Variants in ATP5MK observed in about 807,000 individuals in gnomAD.
ATP5MK encodes ATP synthase membrane subunit k, also known as ATP synthase F(0) complex subunit k, mitochondrial.
ATP5MK carries 5 observed loss-of-function variants against 6.6 expected under a neutral mutation model. The ratio of observed to expected loss-of-function variants is 0.76; its 90% CI spans 0.40 to 1.60. The LOEUF is 1.60. Ranked by LOEUF, ATP5MK falls within the 40% of genes most tolerant of loss-of-function variation. ATP5MK has a pLI of 0.02. For missense variants in ATP5MK, 57 were observed against 66.6 expected (o/e 0.86, Z 0.50); for synonymous variants, 30 against 24.5 (o/e 1.22, Z -0.66).
chr10:103,395,451 C>T (rs568707314), intron 2 of ATP5MK, among the ~76,000 whole-genome samples: 6 of 152,272 alleles, frequency 3.9e-5, no homozygotes, highest in Non-Finnish European at 5.9e-5. Context: ...GCGCGCGCCA[C>T]CACGCCCGGC....
intron 2 of ATP5MK, among the ~76,000 whole-genome samples, chr10:103,392,745 C>A (rs1158808510): frequency 6.6e-6 from 1 of 152,168 alleles, no homozygotes; most frequent in Non-Finnish European, 1.5e-5. Flanking sequence ...CATTCTCTGA[C>A]CCAATACAGC....
intron 2 of ATP5MK, among the ~76,000 whole-genome samples, chr10:103,394,927 A>G (rs2093426335): frequency 6.6e-6 from 1 of 152,048 alleles, no homozygotes; most frequent in Admixed American, 6.6e-5. Flanking sequence ...GCCCAACAAT[A>G]CTACAGCGCT....
In ATP5MK at chr10:103,392,196, A is replaced by C. The variant is rs1470871042; in HGVS notation, c.175T>G (p.Ter59GluextTer14). ...TTTAAATGTCAACTTCTTACCATTTATGTTGCTTTCACAGCTGGAGTTTTT... is the reference window on the plus strand; with the variant it reads ...TTTAAATGTCAACTTCTTACCATTTCTGTTGCTTTCACAGCTGGAGTTTTT... ...SKKTPAVKAT[*>E] The change falls in exon 4 of 5, where the codon TAA (stop) becomes GAA (glutamate). Residue 59 changes from the stop codon to glutamate, a stop_lost. Transcript: ENST00000369815. 6.2e-7 allele frequency: 1 copy of C among 1,609,000 alleles called. No individual in the cohort carries two copies. The highest frequency in any genetic ancestry group is 8.5e-7 in the Non-Finnish European group (1 of 1,177,548).
intron 4 of ATP5MK, among the ~76,000 whole-genome samples, chr10:103,391,007 A>C (rs1389229012): frequency 1.3e-5 from 2 of 152,248 alleles, no homozygotes; most frequent in East Asian, 3.8e-4. Flanking sequence ...TGCAACTGAT[A>C]TAAAAGGTTG....
intron 2 of ATP5MK, chr10:103,394,269 C>G (rs1472297776): frequency 1.9e-6 from 1 of 532,990 alleles, no homozygotes; most frequent in Non-Finnish European, 3.9e-6. Context: ...AGAACAAGAG[C>G]TGAAAATTCG....
intron 4 of ATP5MK, among the ~76,000 whole-genome samples, chr10:103,390,659 T>C (rs1210839102): frequency 6.6e-6 from 1 of 151,392 alleles, no homozygotes; most frequent in Non-Finnish European, 1.5e-5. Context: ...TGCGTGGTGG[T>C]GTGCACATGT....
At chr10:103,391,514 C>CTT (rs941017270) in intron 4 of ATP5MK, among the ~76,000 whole-genome samples, 1 of 148,310 alleles carries the variant, frequency 6.7e-6, no homozygotes, top group Non-Finnish European at 1.5e-5. Context: ...ATTTTTCTTG[C>CTT]TTTTTTTTTT....
chr10:103,392,586 TTATC>T, intron 2 of ATP5MK, 120 bp from the exon 3 acceptor site: 1 of 691,090 alleles, frequency 1.4e-6, no homozygotes, highest in East Asian at 2.8e-5. Flanking sequence ...CTGTAAATTT[TTATC>T]TATATCTCAC....
chr10:103,393,587 A>G (rs550041087), intron 2 of ATP5MK, among the ~76,000 whole-genome samples: 1 of 151,768 alleles, frequency 6.6e-6, no homozygotes, highest in Admixed American at 6.6e-5. Flanking sequence ...CTCAAAAAAA[A>G]AAAAAATAAA....
chr10:103,389,364 C>T (rs2093406695), intron 4 of ATP5MK, among the ~76,000 whole-genome samples, 198 bp from the exon 5 acceptor site: 1 of 152,054 alleles, frequency 6.6e-6, no homozygotes, highest in Non-Finnish European at 1.5e-5. Context: ...CTCTTGTTGC[C>T]CAGGCTGGAG....
rs935716994 is a variant in ATP5MK at position 103,389,793 on chromosome 10, G to A, written c.*4-627C>T. Among the ~76,000 whole-genome samples, 42 of 149,716 alleles carry A rather than the reference G, an allele frequency of 2.8e-4. 1 individual carries two copies. The highest frequency in any genetic ancestry group is 2.7e-3 in the Admixed American group (41 of 15,064). ...ATCCCCCAGGATGGAGTGTAGCAGC[G>A]CAATCTCGGCTCACTGCAACCTCTG... On this transcript the variant is annotated intron_variant, in intron 4 of 4. Transcript: ENST00000369815.
At chr10:103,392,749 A>G (rs144518054) in intron 2 of ATP5MK, among the ~76,000 whole-genome samples, 32 of 152,296 alleles carry the variant, frequency 2.1e-4, no homozygotes, top group Admixed American at 1.8e-3. Context: ...CTCTGACCCA[A>G]TACAGCTTAA....
intron 2 of ATP5MK, chr10:103,394,141 AGT>A (rs1351263219): frequency 3.1e-6 from 1 of 324,332 alleles, no homozygotes; most frequent in Non-Finnish European, 6.6e-6. Context: ...AAAAATAGTA[AGT>A]GTATTAAAAA....
chr10:103,392,348 T>A, intron 3 of ATP5MK, 23 bp downstream of exon 3: 1 of 1,589,240 alleles, frequency 6.3e-7, no homozygotes, highest in Non-Finnish European at 8.5e-7. Flanking sequence ...AAAATATAAC[T>A]GCTTAAAGTT....
Position 103,392,393 on chromosome 10 carries a change from T to C in ATP5MK, c.65A>G (p.Tyr22Cys). The change falls in exon 3 of 5, where the codon TAT (tyrosine) becomes TGT (cysteine). Residue 22 changes from tyrosine (Y) to cysteine (C), a missense_variant. Transcript: ENST00000369815. ...TACGTTCATTCTACCTGTGAGAGTA[T>C]AAGAGTTGAAATATTTTTTAATACC... ...FTGIKKYFNS[Y>C]TLTGRMNCVL... 1 of 1,608,318 alleles carries C rather than the reference T, an allele frequency of 6.2e-7. No individual in the cohort carries two copies. Among genetic ancestry groups the C allele is most frequent in the Non-Finnish European group, 8.5e-7 (1 of 1,178,104 alleles).
intron 2 of ATP5MK, chr10:103,394,420 T>C (rs762484042): frequency 4.0e-6 from 2 of 498,984 alleles, no homozygotes. Flanking sequence ...GAGGGAGATA[T>C]CTGTCAGGGA....
chr10:103,393,268 C>T (rs1032050981), intron 2 of ATP5MK, among the ~76,000 whole-genome samples: 2 of 152,154 alleles, frequency 1.3e-5, no homozygotes, highest in East Asian at 3.8e-4. Flanking sequence ...AGAATTCTCT[C>T]TCTGTTGCTT....
intron 4 of ATP5MK, 28 bp downstream of exon 4, chr10:103,392,163 T>C: frequency 6.4e-7 from 1 of 1,562,634 alleles, no homozygotes; most frequent in Non-Finnish European, 8.7e-7. Context: ...ATGGCTAAAT[T>C]ATAAAGGTTT....
chr10:103,394,685 T>C (rs2093424875), intron 2 of ATP5MK, among the ~76,000 whole-genome samples: 1 of 151,930 alleles, frequency 6.6e-6, no homozygotes, highest in South Asian at 2.1e-4. Context: ...TAAAAGCAAC[T>C]TTATAATGTA....
Sources: gnomAD v4.1 joint callset for allele counts (sites outside exome capture counted in the v4.1 genomes callset) on GRCh38, gnomAD v4.1.1 for gene constraint, MANE v1.5 for transcripts, NCBI Gene and HGNC (gene_info 2026-07-23, HGNC 2026-07-21) for gene names.